FSTL5: variants seen among roughly 807,000 people sequenced by gnomAD.
FSTL5 encodes the protein follistatin-related protein 5.
FSTL5 carries 62 observed loss-of-function variants against 89.1 expected under a neutral mutation model. The observed-to-expected ratio is 0.70, with a 90% CI of 0.57 to 0.86. The LOEUF is 0.86. FSTL5 is among the 40% of genes least tolerant of loss of function. The pLI is 0.00. For missense variants in FSTL5, 1,057 were observed against 1,001.6 expected (o/e 1.06, Z -0.75); for synonymous variants, 383 against 346.2 (o/e 1.11, Z -1.18).
chr4:161,512,617 A>T (rs1730687098), intron 10 of FSTL5, among the ~76,000 whole-genome samples: 1 of 152,108 alleles, frequency 6.6e-6, no homozygotes, highest in Non-Finnish European at 1.5e-5. Context: ...CCACTATTTT[A>T]AAGGAGTAAG....
chr4:161,744,389 G>A (rs567069552), intron 6 of FSTL5, among the ~76,000 whole-genome samples: 2 of 152,210 alleles, frequency 1.3e-5, no homozygotes, highest in Non-Finnish European at 2.9e-5. Context: ...TTATGATGTT[G>A]AATTATATTC....
At chr4:161,779,775 GTATATATATATATA>G (rs869254842) in intron 4 of FSTL5, among the ~76,000 whole-genome samples, 8 of 25,426 alleles carry the variant, frequency 3.1e-4, no homozygotes, top group Admixed American at 2.6e-3. Flanking sequence ...ATATATATAT[GTATATATATATATA>G]TATATATATA....
At chr4:161,624,356 C>A (rs1735238683) in intron 7 of FSTL5, among the ~76,000 whole-genome samples, 1 of 151,844 alleles carries the variant, frequency 6.6e-6, no homozygotes. Flanking sequence ...CGTATGTATC[C>A]ATAGATAATA....
chr4:161,866,198 C>T (rs1732081804), intron 4 of FSTL5, among the ~76,000 whole-genome samples: 2 of 152,138 alleles, frequency 1.3e-5, no homozygotes, highest in African/African-American at 4.8e-5. Flanking sequence ...AAGATTTAGG[C>T]AGTTTTTATG....
intron 4 of FSTL5, among the ~76,000 whole-genome samples, chr4:161,810,382 A>G (rs900359185): frequency 2.6e-5 from 4 of 152,158 alleles, no homozygotes; most frequent in African/African-American, 9.6e-5. Flanking sequence ...TACTAACATA[A>G]TTAGAGAATG....
chr4:161,550,855 T>G (rs951260027), intron 8 of FSTL5, among the ~76,000 whole-genome samples: 1 of 151,962 alleles, frequency 6.6e-6, no homozygotes, highest in Non-Finnish European at 1.5e-5. Flanking sequence ...GTTCTTGCGA[T>G]AGTTTGCTGA....
At chr4:161,732,093 T>C (rs1250310818) in intron 6 of FSTL5, among the ~76,000 whole-genome samples, 3 of 152,006 alleles carry the variant, frequency 2.0e-5, no homozygotes, top group African/African-American at 7.2e-5. Context: ...TTTGAGAAAC[T>C]ACCTGTTTTC....
Position 161,880,063 on chromosome 4 carries a change from A to G in FSTL5, c.409+40341T>C, listed in dbSNP as rs1225922356. The stretch of plus-strand genomic sequence containing the variant: ...ACATCAGCCAAGCCCCTTTTTTGAG[A>G]TATTCCATGTTTTCCATACATTCAC... On this transcript the variant is annotated intron_variant, in intron 4 of 15. Coordinates refer to ENST00000306100, the MANE Select transcript of FSTL5 (RefSeq NM_020116.5). Among the ~76,000 whole-genome samples the G allele has an allele frequency of 2.0e-5, 3 of 152,058 alleles. No individual in the cohort carries two copies. In the South Asian group the frequency reaches 6.2e-4, roughly 32 times the overall value.
intron 2 of FSTL5, among the ~76,000 whole-genome samples, chr4:162,061,138 C>T (rs1459132436): frequency 1.3e-5 from 2 of 151,850 alleles, no homozygotes; most frequent in East Asian, 3.9e-4. Flanking sequence ...TTGTGTGCCC[C>T]CCAAAAGAGA....
intron 3 of FSTL5, among the ~76,000 whole-genome samples, chr4:161,994,803 G>T (rs968258060): frequency 2.0e-5 from 3 of 152,112 alleles, no homozygotes; most frequent in African/African-American, 7.2e-5. Flanking sequence ...TGCACAGTTT[G>T]CAAAAGTTTT....
rs35261391 is a variant in FSTL5, at chr4:161,601,329, G to GAAAAAAAAA, written c.895-13763_895-13755dup. Among the ~76,000 whole-genome samples the GAAAAAAAAA allele has an allele frequency of 8.4e-5, 9 of 107,538 alleles. 4 individuals are homozygous for GAAAAAAAAA. The highest frequency in any genetic ancestry group is 9.2e-5 in the Non-Finnish European group (5 of 54,438). 70.5% of individuals were successfully genotyped at this position (107,538 alleles called of 152,430 possible). A position where few individuals can be genotyped will look rare whatever the true frequency, so the allele number is the denominator to read the frequency against. ...AGTGACACAAAGTCTTAAATAGTTG[G>GAAAAAAAAA]AAAAAAAAAAAAAAAAAAAAAGGCA... On this transcript the variant is annotated intron_variant, in intron 7 of 15. Coordinates refer to ENST00000306100, the MANE Select transcript of FSTL5 (RefSeq NM_020116.5).
chr4:161,877,535 A>G (rs2126906998), intron 4 of FSTL5, among the ~76,000 whole-genome samples: 1 of 151,478 alleles, frequency 6.6e-6, no homozygotes, highest in East Asian at 2.0e-4. Context: ...TTTTTGACAT[A>G]CAACTTATTA....
chr4:162,082,820 CT>C (rs34774825), intron 2 of FSTL5, among the ~76,000 whole-genome samples: 44,298 of 146,792 alleles, frequency 0.3, 7,274 homozygotes, highest in Non-Finnish European at 0.37. Flanking sequence ...TTTCTTTTCT[CT>C]TTTTTTTTTT....
At chr4:161,880,539 T>C (rs1382859907) in intron 4 of FSTL5, among the ~76,000 whole-genome samples, 2 of 152,098 alleles carry the variant, frequency 1.3e-5, no homozygotes, top group Admixed American at 6.6e-5. Context: ...GCATAAACAT[T>C]CCAAGACATT....
At chr4:161,458,011 A>G (rs967550001) in intron 14 of FSTL5, among the ~76,000 whole-genome samples, 1 of 152,190 alleles carries the variant, frequency 6.6e-6, no homozygotes, top group Non-Finnish European at 1.5e-5. Context: ...TGTAGCTTCC[A>G]CTTTTGTAAC....
intron 4 of FSTL5, among the ~76,000 whole-genome samples, chr4:161,827,280 T>C (rs1004212736): frequency 1.3e-5 from 2 of 152,226 alleles, no homozygotes; most frequent in Non-Finnish European, 2.9e-5. Flanking sequence ...AGGGAGTGCC[T>C]GCACAGTTCT....
intron 4 of FSTL5, among the ~76,000 whole-genome samples, chr4:161,842,878 T>TCTAAGGTAATAAATAATTTTTATTAC (rs1451837455): frequency 2.3e-4 from 35 of 152,238 alleles, no homozygotes; most frequent in African/African-American, 8.4e-4. Flanking sequence ...TTACTGGTGA[T>TCTAAGGTAATAAATAATTTTTATTAC]CTAAGGTAAT....
At chr4:161,868,834 C>A (rs999514017) in intron 4 of FSTL5, among the ~76,000 whole-genome samples, 2 of 152,176 alleles carry the variant, frequency 1.3e-5, no homozygotes, top group Non-Finnish European at 1.5e-5. Flanking sequence ...ACTATCATTT[C>A]CTTTAACCAT....
intron 3 of FSTL5, among the ~76,000 whole-genome samples, chr4:161,989,931 G>C (rs941670609): frequency 1.3e-5 from 2 of 152,080 alleles, no homozygotes; most frequent in African/African-American, 4.8e-5. Context: ...TGATTACGTT[G>C]GTGGTGGTAG....
Sources: allele counts gnomAD v4.1 joint callset (sites outside exome capture counted in the v4.1 genomes callset), GRCh38; gene constraint gnomAD v4.1.1; transcripts MANE v1.5; gene names NCBI Gene and HGNC (gene_info 2026-07-23, HGNC 2026-07-21).